The following VSIG10L variants were observed in gnomAD, a reference collection of about 807,000 sequenced individuals.
VSIG10L encodes the protein V-set and immunoglobulin domain-containing protein 10-like.
In VSIG10L, 63 loss-of-function variants were observed where a neutral mutation model predicts 67.3. That is an observed-to-expected ratio of 0.94 (90% confidence interval 0.76 to 1.15). The LOEUF (loss-of-function observed/expected upper bound fraction) is 1.15, where lower values mean the gene tolerates loss of function less well. Ranked by LOEUF, VSIG10L falls within the 50% of genes most tolerant of loss-of-function variation. The pLI is 0.00. For synonymous variants in VSIG10L, 499 were observed against 524.9 expected, an observed-to-expected ratio of 0.95 and a Z score of 0.67; for missense variants, 1,050 against 1,177.5, an observed-to-expected ratio of 0.89 and a Z score of 1.58.
Position 51,333,918 on chromosome 19 carries a change from GGA to G in VSIG10L, c.2445_2446del (p.Pro816PhefsTer16), listed in dbSNP as rs1985416969. The G allele has an allele frequency of 6.4e-7, 1 of 1,551,430 alleles. No homozygotes were observed. The highest frequency in any genetic ancestry group is 1.4e-5 in the African/African-American group (1 of 73,020). On this transcript the variant is annotated frameshift_variant, in exon 9 of 10. Transcript: ENST00000335624. LOFTEE classifies it high-confidence loss of function. ...GGTGACCACGGGGACCAAGGTAGAA[GGA>G]TGCTTCTTTTTCTCAGGAGTCTTTC...
chr19:51,333,103 AC>A (rs1238233043), intron 9 of VSIG10L, among the ~76,000 whole-genome samples: 1 of 152,030 alleles, frequency 6.6e-6, no homozygotes, highest in African/African-American at 2.4e-5. Flanking sequence ...TCTCTCCTCA[AC>A]CACCCGAAGT....
Position 51,341,997 on chromosome 19 carries a change from T to C in VSIG10L, c.51A>G (p.Val17=), listed in dbSNP as rs1985653417. The C allele has an allele frequency of 6.4e-7, 1 of 1,551,650 alleles. No individual in the cohort carries two copies. Among genetic ancestry groups the C allele is most frequent in the Non-Finnish European group, 8.7e-7 (1 of 1,146,952 alleles). The part of the protein sequence containing the change: ...LPLFLLLASL[V]GILTLRASSG... ...AAGAGGCTCTGAGGGTGAGGATCCCTACCAAGGAGGCTGCAGAGAAGAGAG... is the reference window on the plus strand; with the variant it reads ...AAGAGGCTCTGAGGGTGAGGATCCCCACCAAGGAGGCTGCAGAGAAGAGAG... Residue 17 remains valine (V), a synonymous_variant, in exon 2 of 10, where the codon GTA becomes GTG. Transcript: ENST00000335624.
intron 7 of VSIG10L, 108 bp downstream of exon 7, chr19:51,337,130 C>A: frequency 1.5e-6 from 2 of 1,302,904 alleles, no homozygotes; most frequent in Admixed American, 5.6e-5. Context: ...TAGTCTCAAG[C>A]CATGCAGTTC....
chr19:51,340,770 C>T lies in VSIG10L; in HGVS notation c.896-44G>A. 1.4e-6 allele frequency: 2 copies of T among 1,435,212 alleles called. No homozygotes were observed. The highest frequency in any genetic ancestry group is 1.8e-6 in the Non-Finnish European group (2 of 1,098,236). The allele number at this position is 1,435,212 out of a possible 1,614,324, so 88.9% of individuals were successfully genotyped here. On this transcript the variant is annotated intron_variant, in intron 2 of 9. Coordinates refer to ENST00000335624, the MANE Select transcript of VSIG10L (RefSeq NM_001163922.3). The surrounding 1 kb of genome is among the most constrained non-coding windows in gnomAD (Gnocchi z 6.3). Reference sequence around the variant, plus strand: ...GCTCAGGACCCACCCAGTCCTGGAGCCCATCTTTGGTCCCCTTAGAGGGAA... The same window carrying T: ...GCTCAGGACCCACCCAGTCCTGGAGTCCATCTTTGGTCCCCTTAGAGGGAA...
rs151027539 is a variant in VSIG10L at position 51,340,887 on chromosome 19, T to G, written c.896-161A>C. 3.2e-4 allele frequency among the ~76,000 whole-genome samples: 48 copies of G among 152,138 alleles called. No individual in the cohort carries two copies. The highest frequency in any genetic ancestry group is 1.1e-3 in the African/African-American group (46 of 41,506). On this transcript the variant is annotated intron_variant, in intron 2 of 9. Transcript: ENST00000335624. This position sits in a 1 kb window ranked among gnomAD's most constrained non-coding sequence, Gnocchi z 6.3. ...TGAGTTTGAGCCCCCAGACACCTCC[T>G]CTCCGGGACCCAGGAGTTCGCCAGA...
In VSIG10L at chr19:51,341,449, G is replaced by A. The variant is rs750620412; in HGVS notation, c.599C>T (p.Ala200Val). ...CCGGATGGTGGTCCCCACCAGCACA[G>A]CGAGTGGGCCCCCCACCTGCTGGGG... ...SFPQQVGGPL[A>V]VLVGTTIRLP... The change falls in exon 2 of 10, where the codon GCT becomes GTT. Residue 200 changes from alanine to valine, a missense_variant. Ala to Val is a moderately conservative substitution (Grantham distance 64). Transcript: ENST00000335624. 4.5e-6 allele frequency: 7 copies of A among 1,541,116 alleles called. No homozygotes were observed. In the South Asian group the frequency reaches 8.5e-5, roughly 19 times the overall value.
At position 51,337,427 on chromosome 19, in the gene VSIG10L, G is replaced by T. The variant is rs1235348719; in HGVS notation, c.2116C>A (p.Pro706Thr). ...GTCCTGCCCAGAGCAGGCCCATCTGGCCATGCCTGGATCTCAAAACTGCTG... is the reference window on the plus strand; with the variant it reads ...GTCCTGCCCAGAGCAGGCCCATCTGTCCATGCCTGGATCTCAAAACTGCTG... ...LISSFEIQAW[P>T]DGPALGRTST... Residue 706 changes from proline (P) to threonine (T), a missense_variant, in exon 7 of 10, where the codon CCA becomes ACA. By Grantham distance (38) the Pro-to-Thr change is conservative. This residue lies in a region of VSIG10L where 529 missense variants were observed against 584.9 expected (regional missense o/e 0.90). Transcript: ENST00000335624. The T allele has an allele frequency of 6.4e-7, 1 of 1,551,714 alleles. No individual in the cohort carries two copies. The highest frequency in any genetic ancestry group is 1.2e-5 in the South Asian group (1 of 84,060).
rs577568250 is a variant in VSIG10L, at chr19:51,342,134, C to T, written c.-10G>A. 2 of 1,551,560 alleles carry T rather than the reference C, an allele frequency of 1.3e-6. No homozygotes were observed. The highest frequency in any genetic ancestry group is 2.4e-5 in the South Asian group (2 of 84,058). On this transcript the variant is annotated 5_prime_UTR_variant, in exon 1 of 10. Transcript: ENST00000335624. The surrounding 1 kb of genome is among the most constrained non-coding windows in gnomAD (Gnocchi z 4.4). ...CCTGTGGGTTGTCCATGGTGCTGGC[C>T]TCACTGAAAGGACACTGGAGAGAGA...
In VSIG10L at chr19:51,338,875, C is replaced by A; in HGVS notation, c.1729+13G>T. The A allele has an allele frequency of 7.3e-7, 1 of 1,368,492 alleles. No individual in the cohort carries two copies. The highest frequency in any genetic ancestry group is 9.5e-7 in the Non-Finnish European group (1 of 1,053,188). 84.8% of individuals were successfully genotyped at this position (1,368,492 alleles called of 1,614,324 possible). A position where few individuals can be genotyped will look rare whatever the true frequency, so the allele number is the denominator to read the frequency against. On this transcript the variant is annotated intron_variant, in intron 5 of 9. Transcript: ENST00000335624. ...TCCTCGAGAAACAGCAAAAAAGCCCCGCGCCCTCTCACCCGGCGTGACTGT... is the reference window on the plus strand; with the variant it reads ...TCCTCGAGAAACAGCAAAAAAGCCCAGCGCCCTCTCACCCGGCGTGACTGT...
chr19:51,338,356 CTCATTCAT>C (rs1018808934), intron 5 of VSIG10L, 148 bp from the exon 6 acceptor site: 1 of 800,186 alleles, frequency 1.2e-6, no homozygotes, highest in Non-Finnish European at 1.8e-6. Context: ...CACTCATTAG[CTCATTCAT>C]TCATTCATTC....
chr19:51,336,103 A>G (rs1372485457), intron 7 of VSIG10L, among the ~76,000 whole-genome samples: 2 of 152,180 alleles, frequency 1.3e-5, no homozygotes, highest in Non-Finnish European at 2.9e-5. Flanking sequence ...CATGTTATCA[A>G]CTGAATTGTG....
chr19:51,339,252 C>T, intron 4 of VSIG10L, 110 bp from the exon 5 acceptor site: 1 of 1,130,496 alleles, frequency 8.8e-7, no homozygotes, highest in African/African-American at 1.6e-5. Flanking sequence ...ACCCCATAGG[C>T]GCTCACACTC....
rs1003250652 is a variant in VSIG10L, at chr19:51,331,958, A to G, written c.*653T>C. The G allele has an allele frequency of 6.6e-6, 1 of 152,608 alleles. No individual in the cohort carries two copies. The highest frequency in any genetic ancestry group is 1.5e-5 in the Non-Finnish European group (1 of 68,360). 9.5% of individuals were successfully genotyped at this position (152,608 alleles called of 1,614,324 possible). The stretch of plus-strand genomic sequence containing the variant: ...CTTGAGAAATGAATGACATATGGGA[A>G]AAAGAAGTGTTATAAGCACAGCAAA... On this transcript the variant is annotated 3_prime_UTR_variant, in exon 10 of 10. Coordinates refer to ENST00000335624, the MANE Select transcript of VSIG10L (RefSeq NM_001163922.3).
In VSIG10L at chr19:51,338,079, AG is replaced by A. The variant is rs1985531633; in HGVS notation, c.1858del (p.Leu620TrpfsTer68). 6.4e-7 allele frequency: 1 copy of A among 1,551,522 alleles called. No homozygotes were observed. The highest frequency in any genetic ancestry group is 2.0e-5 in the Admixed American group (1 of 50,982). ...CAGGCGACTCCCGCCTCCTGGAGCC[AG>A]GGGCCTCCCTTCCCGGGCCCAGGAT... is the stretch of plus-strand genomic sequence containing the variant. Reference protein sequence around the residue: ...RASWAREGRPLAPGGGSRLRL... With the variant: ...RASWAREGRPXAPGGGSRLRL... On this transcript the variant is annotated frameshift_variant, in exon 6 of 10. Transcript: ENST00000335624. LOFTEE classifies it high-confidence loss of function.
chr19:51,341,281 C>A lies in VSIG10L; in HGVS notation c.767G>T (p.Arg256Leu). The A allele has an allele frequency of 1.9e-6, 3 of 1,548,966 alleles. No homozygotes were observed. Among genetic ancestry groups the A allele is most frequent in the Non-Finnish European group, 1.7e-6 (2 of 1,146,954 alleles). The change falls in exon 2 of 10, where the codon CGA (arginine) becomes CTA (leucine). Residue 256 changes from arginine to leucine, a missense_variant. Arg to Leu is a moderately radical substitution (Grantham distance 102). Coordinates refer to ENST00000335624, the MANE Select transcript of VSIG10L (RefSeq NM_001163922.3). ...CAGAACCCCCCGGGCCTGGTCAAAT[C>A]GCAGGTGGTCTCGGTGAGCAGGGTC... ...SLDPAHRDHL[R>L]FDQARGVLEL...
chr19:51,334,181 C>G lies in VSIG10L; in HGVS notation c.2419+10G>C, dbSNP rs1005700036. The G allele has an allele frequency of 6.4e-6, 10 of 1,551,546 alleles. No individual in the cohort carries two copies. The highest frequency in any genetic ancestry group is 2.7e-5 in the African/African-American group (2 of 73,036). On this transcript the variant is annotated intron_variant, in intron 8 of 9. Transcript: ENST00000335624. ...GTCATGGTTGCCCCTTCCCCAGTCC[C>G]CTTGCTCACCACGAAAGCGGCACAG...
chr19:51,334,869 G>A lies in VSIG10L; in HGVS notation c.2306-565C>T, dbSNP rs998732461. On this transcript the variant is annotated intron_variant, in intron 7 of 9. Transcript: ENST00000335624. ...GGCAAGATCACCTGAGTCTGGGGAC[G>A]TTGAGGCTGCAGTGAGCCCAGATCG... Among the ~76,000 whole-genome samples the A allele has an allele frequency of 2.6e-5, 4 of 152,330 alleles. No homozygotes were observed. The South Asian group carries it at 6.2e-4, about 24-fold the overall frequency.
chr19:51,333,037 A>G (rs1985395507), intron 9 of VSIG10L, among the ~76,000 whole-genome samples: 1 of 151,964 alleles, frequency 6.6e-6, no homozygotes, highest in Admixed American at 6.6e-5. Context: ...TTTTGTAGAG[A>G]TGGGGTATCC....
chr19:51,337,938 G>T lies in VSIG10L; in HGVS notation c.2000C>A (p.Thr667Asn). 6.5e-7 allele frequency: 1 copy of T among 1,546,292 alleles called. No homozygotes were observed. The change falls in exon 6 of 10, where the codon ACC becomes AAC. Residue 667 changes from threonine (T) to asparagine (N), a missense_variant. Transcript: ENST00000335624. The stretch of plus-strand genomic sequence containing the variant: ...GAAATAACGTGGCTCACCAATGAGG[G>T]TGATCTGGTCACCGCCAGCACCCAG... ...GALGAGGDQI[T>N]LIGPSISSWR...
Sources: allele counts gnomAD v4.1 joint callset (sites outside exome capture counted in the v4.1 genomes callset), GRCh38; gene constraint gnomAD v4.1.1; regional missense constraint gnomAD v4.1.1; non-coding constraint Gnocchi (gnomAD v3.1); transcripts MANE v1.5; gene names NCBI Gene and HGNC (gene_info 2026-07-23, HGNC 2026-07-21).